Variants in PLA2G4C observed in about 807,000 individuals in gnomAD.
PLA2G4C encodes the protein phospholipase A2 group IVC, also known as cytosolic phospholipase A2 gamma.
A neutral mutation model predicts 73.8 loss-of-function variants in PLA2G4C; 64 were observed. That is an observed-to-expected ratio of 0.87 (90% CI 0.71 to 1.07). PLA2G4C has a LOEUF of 1.07. Ranked by LOEUF, PLA2G4C falls within the 50% of genes least tolerant of loss-of-function variation. The pLI, the probability that PLA2G4C is intolerant of heterozygous loss-of-function variation, is 0.00. For missense variants in PLA2G4C, 622 were observed against 665.4 expected (o/e 0.93, Z 0.72); for synonymous variants, 254 against 252.1 (o/e 1.01, Z -0.07).
Position 48,110,505 on chromosome 19 carries a change from C to G in PLA2G4C, c.-51G>C. On this transcript the variant is annotated 5_prime_UTR_variant, in exon 1 of 17. Transcript: ENST00000599921. ...GGCTTGCCTGAGCCTGGGTCTGGGG[C>G]GTGTGCGCATGCGCGGTGGAGCTTG... 1 of 1,088,702 alleles carries G rather than the reference C, an allele frequency of 9.2e-7. No homozygotes were observed. The highest frequency in any genetic ancestry group is 6.7e-5 in the East Asian group (1 of 14,848). 67.4% of individuals were successfully genotyped at this position (1,088,702 alleles called of 1,614,324 possible).
rs1968680472 is a variant in PLA2G4C, at chr19:48,072,045, C to T, written c.1006+2722G>A. Reference sequence around the variant, plus strand: ...CCTGTGGTCCCAGCTACTCGGGAGGCTGAGGCAGGAGAATCGCTTGAACCC... The same window carrying T: ...CCTGTGGTCCCAGCTACTCGGGAGGTTGAGGCAGGAGAATCGCTTGAACCC... On this transcript the variant is annotated intron_variant, in intron 12 of 16. Transcript: ENST00000599921. This position sits in a 1 kb window ranked among gnomAD's most constrained non-coding sequence, Gnocchi z 4.4. Among the ~76,000 whole-genome samples, 1 of 151,920 alleles carries T rather than the reference C, an allele frequency of 6.6e-6. No individual in the cohort carries two copies. Among genetic ancestry groups the T allele is most frequent in the Admixed American group, 6.6e-5 (1 of 15,258 alleles).
At chr19:48,075,964 AAAGCCCGCCATGTGGCAAG>A (rs1404210792) in intron 11 of PLA2G4C, among the ~76,000 whole-genome samples, 3 of 152,238 alleles carry the variant, frequency 2.0e-5, no homozygotes, top group African/African-American at 7.2e-5. Context: ...AAACAACATT[AAAGCCCGCCATGTGGCAAG>A]AAGTTGGCTC....
chr19:48,062,169 G>A lies in PLA2G4C; in HGVS notation c.1103-17C>T. 6.5e-7 allele frequency: 1 copy of A among 1,536,646 alleles called. No homozygotes were observed. The highest frequency in any genetic ancestry group is 8.8e-7 in the Non-Finnish European group (1 of 1,140,664). On this transcript the variant is annotated splice_polypyrimidine_tract_variant and intron_variant, in intron 13 of 16. Coordinates refer to ENST00000599921, the MANE Select transcript of PLA2G4C (RefSeq NM_003706.3). ...GGATGCCACCTGTGGTGCCCAGGAA[G>A]AAAGAGGATCAGCTGCTTCTGGGGA...
At chr19:48,095,063 T>A (rs985038033) in intron 7 of PLA2G4C, among the ~76,000 whole-genome samples, 1 of 152,134 alleles carries the variant, frequency 6.6e-6, no homozygotes, top group African/African-American at 2.4e-5. Flanking sequence ...AATTTTTAAA[T>A]CTTGTGTAGA....
rs371948216 is a variant in PLA2G4C, at chr19:48,052,998, C to T, written c.1579G>A (p.Gly527Arg). 9.7e-5 allele frequency: 156 copies of T among 1,606,668 alleles called. No homozygotes were observed. The highest frequency in any genetic ancestry group is 1.2e-4 in the Non-Finnish European group (144 of 1,174,706). The change falls in exon 16 of 17, where the codon GGG becomes AGG. Residue 527 changes from glycine to arginine, a missense_variant and splice_region_variant. By Grantham distance (125) the Gly-to-Arg change is moderately radical. Coordinates refer to ENST00000599921, the MANE Select transcript of PLA2G4C (RefSeq NM_003706.3). ...GAGCGACTATGGTCTCCCACCTACC[C>T]GGCCACGTTCATCAACTCTCTAAGG... ...KILRELMNVA[G>R]LYYPKDSARS...
chr19:48,095,908 A>G (rs2031543814), intron 6 of PLA2G4C, among the ~76,000 whole-genome samples: 1 of 152,216 alleles, frequency 6.6e-6, no homozygotes, highest in Non-Finnish European at 1.5e-5. Flanking sequence ...AGTGCAAGGG[A>G]AGAGTGTAGC....
intron 1 of PLA2G4C, among the ~76,000 whole-genome samples, chr19:48,107,270 G>A (rs927724852): frequency 1.1e-4 from 16 of 152,200 alleles, no homozygotes; most frequent in Admixed American, 2.6e-4. Flanking sequence ...TCCTGGGAGC[G>A]GGTCTCAGGA....
At chr19:48,080,944 G>A (rs1233382158) in intron 10 of PLA2G4C, among the ~76,000 whole-genome samples, 3 of 146,562 alleles carry the variant, frequency 2.0e-5, no homozygotes, top group South Asian at 2.2e-4. Flanking sequence ...GGATCATGAG[G>A]TCAGGAGATC....
chr19:48,062,509 C>G (rs905041287), intron 13 of PLA2G4C, among the ~76,000 whole-genome samples: 3 of 152,128 alleles, frequency 2.0e-5, no homozygotes, highest in African/African-American at 7.2e-5. Context: ...ACTTGGGAGG[C>G]TGAGGCAGGA....
rs1490859895 is a variant in PLA2G4C at position 48,108,073 on chromosome 19, TC to T, written c.-32-1513del. 4.6e-5 allele frequency among the ~76,000 whole-genome samples: 7 copies of T among 152,164 alleles called. No homozygotes were observed. The East Asian group carries it at 1.4e-3, about 29-fold the overall frequency. ...GGTCTCTGCGTCTTGGTGGTAGTGG[TC>T]CCCCAGGCCCAGCTGTCTTTTCTTC... On this transcript the variant is annotated intron_variant, in intron 1 of 16. Transcript: ENST00000599921.
chr19:48,059,291 G>A (rs1013431786), intron 14 of PLA2G4C, among the ~76,000 whole-genome samples: 6 of 142,420 alleles, frequency 4.2e-5, no homozygotes, highest in Non-Finnish European at 7.7e-5. Flanking sequence ...AAAAAATTCT[G>A]TTTATTACTT....
At chr19:48,104,386 G>A (rs1050978260) in intron 4 of PLA2G4C, 19 of 508,474 alleles carry the variant, frequency 3.7e-5, no homozygotes, top group African/African-American at 9.8e-5. Context: ...AGTTTTTTGG[G>A]ACTGAGCCCC....
At chr19:48,074,416 G>C (rs1704493155) in intron 12 of PLA2G4C, 1 of 261,226 alleles carries the variant, frequency 3.8e-6, no homozygotes, top group South Asian at 4.2e-5. Context: ...CCATGTCTTT[G>C]ATATTGTGAA....
intron 1 of PLA2G4C, among the ~76,000 whole-genome samples, chr19:48,108,540 A>C (rs2032340432): frequency 6.6e-6 from 1 of 152,230 alleles, no homozygotes; most frequent in Non-Finnish European, 1.5e-5. Context: ...GAGCACATAT[A>C]GAAAAGGAAG....
At chr19:48,094,215 A>G (rs191360707) in intron 7 of PLA2G4C, among the ~76,000 whole-genome samples, 2 of 152,298 alleles carry the variant, frequency 1.3e-5, no homozygotes, top group African/African-American at 4.8e-5. Context: ...ACCAATTAAA[A>G]ATAATACTGT....
intron 1 of PLA2G4C, among the ~76,000 whole-genome samples, chr19:48,108,301 A>G (rs1239212853): frequency 6.6e-6 from 1 of 151,882 alleles, no homozygotes; most frequent in Middle Eastern, 3.2e-3. Flanking sequence ...CGTCTGGCAA[A>G]GTTTTAATTT....
At chr19:48,061,276 G>C (rs1379891203) in intron 14 of PLA2G4C, 1 of 151,802 alleles carries the variant, frequency 6.6e-6, no homozygotes, top group African/African-American at 2.4e-5. Context: ...AGGAGGCCAT[G>C]AGGGGAGGGG....
chr19:48,061,879 C>A, intron 14 of PLA2G4C, 119 bp downstream of exon 14: 2 of 1,030,112 alleles, frequency 1.9e-6, no homozygotes, highest in Non-Finnish European at 2.9e-6. Flanking sequence ...CTCTGGACTT[C>A]CCAGCCAGCA....
At chr19:48,073,534 A>G (rs1311333176) in intron 12 of PLA2G4C, among the ~76,000 whole-genome samples, 2 of 151,670 alleles carry the variant, frequency 1.3e-5, no homozygotes, top group Non-Finnish European at 2.9e-5. Context: ...ATGACTCAAG[A>G]CATCCTAGAT....
Sources: allele counts gnomAD v4.1 joint callset (sites outside exome capture counted in the v4.1 genomes callset), GRCh38; gene constraint gnomAD v4.1.1; non-coding constraint Gnocchi (gnomAD v3.1); transcripts MANE v1.5; gene names NCBI Gene and HGNC (gene_info 2026-07-23, HGNC 2026-07-21).